Variants in FBXL7 observed in about 807,000 individuals in gnomAD.
FBXL7 encodes the protein F-box/LRR-repeat protein 7.
Under a neutral mutation model 38.3 loss-of-function variants are expected in FBXL7, and 12 were observed. That is an observed-to-expected ratio of 0.31 (90% CI 0.20 to 0.51). FBXL7 has a LOEUF of 0.51. FBXL7 is among the 20% of genes least tolerant of loss of function. The pLI is 0.98. For synonymous variants in FBXL7, 297 were observed against 300.9 expected (o/e 0.99, Z 0.13); for missense variants, 567 against 676.4 (o/e 0.84, Z 1.79).
At chr5:15,758,855 T>C (rs1039097794) in intron 2 of FBXL7, among the ~76,000 whole-genome samples, 2 of 152,206 alleles carry the variant, frequency 1.3e-5, no homozygotes, top group Non-Finnish European at 2.9e-5. Context: ...GGTAAGTTTT[T>C]GAAAAGTCAT....
chr5:15,893,127 A>AAAAAG (rs1740981261), intron 2 of FBXL7, among the ~76,000 whole-genome samples: 2 of 151,946 alleles, frequency 1.3e-5, no homozygotes, highest in Non-Finnish European at 2.9e-5. Flanking sequence ...AAAAAAAAAA[A>AAAAAG]AAAAGAAATC....
chr5:15,810,006 T>C (rs1163925479), intron 2 of FBXL7, among the ~76,000 whole-genome samples: 2 of 152,208 alleles, frequency 1.3e-5, no homozygotes, highest in African/African-American at 2.4e-5. Context: ...AATATTTTGC[T>C]CAATATTTCA....
At chr5:15,523,936 G>A (rs1222186725) in intron 1 of FBXL7, among the ~76,000 whole-genome samples, 1 of 152,138 alleles carries the variant, frequency 6.6e-6, no homozygotes, top group East Asian at 1.9e-4. Flanking sequence ...AGAATCAGAA[G>A]TTTTACAGTA....
intron 2 of FBXL7, among the ~76,000 whole-genome samples, chr5:15,727,276 T>G (rs957685837): frequency 3.3e-5 from 5 of 152,236 alleles, no homozygotes; most frequent in Non-Finnish European, 7.3e-5. Context: ...AAAAATTGCC[T>G]ATATATTTAT....
chr5:15,570,137 A>G (rs957963566), intron 1 of FBXL7, among the ~76,000 whole-genome samples: 2 of 151,952 alleles, frequency 1.3e-5, no homozygotes, highest in Non-Finnish European at 2.9e-5. Context: ...CTCTTTTTCT[A>G]TTGACTGGAA....
intron 2 of FBXL7, among the ~76,000 whole-genome samples, chr5:15,672,858 A>G (rs539541390): frequency 1.3e-5 from 2 of 152,048 alleles, no homozygotes; most frequent in South Asian, 4.2e-4. Context: ...CCCGGCCTGT[A>G]ATTTATTTTT....
At chr5:15,562,694 C>T (rs1445398229) in intron 1 of FBXL7, among the ~76,000 whole-genome samples, 3 of 151,960 alleles carry the variant, frequency 2.0e-5, no homozygotes, top group Admixed American at 6.6e-5. Context: ...TCTTCTGCTC[C>T]TCCCTTCCTC....
rs1361436786 is a variant in FBXL7, at chr5:15,928,525, C to A, written c.739+24C>A. The A allele has an allele frequency of 3.1e-6, 5 of 1,588,572 alleles. No individual in the cohort carries two copies. Among genetic ancestry groups the A allele is most frequent in the Non-Finnish European group, 3.4e-6 (4 of 1,165,566 alleles). ...AGGTAAATGGACACTGACCTACCAG[C>A]TATGGGCCCTCCTGGTGCACCATCC... On this transcript the variant is annotated intron_variant, in intron 3 of 3. Coordinates refer to ENST00000504595, the MANE Select transcript of FBXL7 (RefSeq NM_012304.5). This position sits in a 1 kb window ranked among gnomAD's most constrained non-coding sequence, Gnocchi z 4.0.
Position 15,917,300 on chromosome 5 carries a change from A to G in FBXL7, c.128-10590A>G, listed in dbSNP as rs73062501. On this transcript the variant is annotated intron_variant, in intron 2 of 3. Coordinates refer to ENST00000504595, the MANE Select transcript of FBXL7 (RefSeq NM_012304.5). ...ATATTATAGTTTTACTTGGAAAACC[A>G]GTATCACTCGCCATAAATATATGGT... Among the ~76,000 whole-genome samples the G allele has an allele frequency of 3.5e-3, 540 of 152,336 alleles. 5 individuals are homozygous for G. Among genetic ancestry groups the G allele is most frequent in the African/African-American group, 0.012 (480 of 41,562 alleles).
chr5:15,694,779 G>T (rs1219146280), intron 2 of FBXL7, among the ~76,000 whole-genome samples: 1 of 152,112 alleles, frequency 6.6e-6, no homozygotes, highest in East Asian at 1.9e-4. Context: ...TGGGGAGGAG[G>T]TTGAGTGGAA....
chr5:15,714,713 G>A (rs1250209779), intron 2 of FBXL7, among the ~76,000 whole-genome samples: 3 of 152,054 alleles, frequency 2.0e-5, no homozygotes, highest in Admixed American at 1.3e-4. Context: ...GCTGGGAATG[G>A]TGGCGGGCGC....
At position 15,704,569 on chromosome 5, in the gene FBXL7, C is replaced by A. The variant is rs184108010; in HGVS notation, c.127+88497C>A. 2.6e-3 allele frequency among the ~76,000 whole-genome samples: 391 copies of A among 152,304 alleles called. 4 individuals carry two copies. Among genetic ancestry groups the A allele is most frequent in the African/African-American group, 8.9e-3 (371 of 41,566 alleles). ...TGTCAAATCCAATAATTCAGTTAAA[C>A]TCCTGTAAAAATTTCCCATCTCCTA... is the stretch of plus-strand genomic sequence containing the variant. On this transcript the variant is annotated intron_variant, in intron 2 of 3. Transcript: ENST00000504595.
intron 1 of FBXL7, chr5:15,501,422 C>T (rs1310584638): frequency 4.1e-6 from 4 of 985,484 alleles, no homozygotes; most frequent in South Asian, 4.7e-5. Context: ...CTCTCTCCTA[C>T]CTCCTCCCAC....
chr5:15,760,997 G>A (rs533913147), intron 2 of FBXL7, among the ~76,000 whole-genome samples: 18 of 151,620 alleles, frequency 1.2e-4, no homozygotes, highest in Middle Eastern at 6.8e-3. Context: ...ACAATTACAC[G>A]AATATTGCAT....
intron 2 of FBXL7, among the ~76,000 whole-genome samples, chr5:15,624,973 GC>G (rs1434804521): frequency 4.0e-5 from 6 of 149,862 alleles, no homozygotes; most frequent in African/African-American, 1.5e-4. Context: ...CTTTGCACAT[GC>G]CCCCTCCCCT....
intron 2 of FBXL7, among the ~76,000 whole-genome samples, chr5:15,798,122 G>T (rs1011679181): frequency 6.6e-6 from 1 of 152,106 alleles, no homozygotes; most frequent in African/African-American, 2.4e-5. Context: ...TAGTTCTTCC[G>T]ACCACAGCTG....
intron 2 of FBXL7, among the ~76,000 whole-genome samples, chr5:15,793,537 G>A (rs752871418): frequency 3.9e-5 from 6 of 152,094 alleles, no homozygotes; most frequent in Non-Finnish European, 8.8e-5. Context: ...TGCAAAAAAC[G>A]TTTTCCAAAT....
chr5:15,649,512 A>C (rs924497816), intron 2 of FBXL7, among the ~76,000 whole-genome samples: 3 of 152,182 alleles, frequency 2.0e-5, no homozygotes, highest in African/African-American at 7.2e-5. Flanking sequence ...TCCGCAGAGA[A>C]GGGAACAAAA....
chr5:15,832,355 G>C (rs1738480152), intron 2 of FBXL7, among the ~76,000 whole-genome samples: 1 of 152,134 alleles, frequency 6.6e-6, no homozygotes, highest in Admixed American at 6.5e-5. Flanking sequence ...ACAAATCCTA[G>C]AAATGACACT....
Sources: gnomAD v4.1 joint callset for allele counts (sites outside exome capture counted in the v4.1 genomes callset) on GRCh38, gnomAD v4.1.1 for gene constraint, Gnocchi (gnomAD v3.1) non-coding constraint, MANE v1.5 for transcripts, NCBI Gene and HGNC (gene_info 2026-07-23, HGNC 2026-07-21) for gene names.